Variants in NOXRED1 observed in about 807,000 individuals in gnomAD.
The protein encoded by NOXRED1 is NADP-dependent oxidoreductase domain-containing protein 1.
Under a neutral mutation model 30.4 loss-of-function variants are expected in NOXRED1, and 20 were observed. The ratio of observed to expected loss-of-function variants is 0.66; its 90% CI spans 0.46 to 0.96. The LOEUF is 0.96. Ranked by LOEUF, NOXRED1 falls within the 40% of genes least tolerant of loss-of-function variation. NOXRED1 has a pLI of 0.00. For missense variants in NOXRED1, 374 were observed against 428.0 expected (o/e 0.87, Z 1.11); for synonymous variants, 155 against 168.0 (o/e 0.92, Z 0.60).
chr14:77,420,817 G>T (rs1389012254), intron 1 of NOXRED1, among the ~76,000 whole-genome samples: 1 of 152,182 alleles, frequency 6.6e-6, no homozygotes, highest in African/African-American at 2.4e-5. Flanking sequence ...CCCAGCTAGA[G>T]ATTCTGGGGC....
At chr14:77,420,168 T>A (rs546856400) in intron 1 of NOXRED1, among the ~76,000 whole-genome samples, 3 of 152,150 alleles carry the variant, frequency 2.0e-5, no homozygotes, top group Non-Finnish European at 2.9e-5. Context: ...TTTCTTTTCT[T>A]TTTGCTCTTC....
rs1177680524 is a variant in NOXRED1, at chr14:77,408,892, A to ATTTTTTTTTTTTTT, written c.350-1261_350-1248dup. 7.7e-3 allele frequency among the ~76,000 whole-genome samples: 524 copies of ATTTTTTTTTTTTTT among 68,166 alleles called. 110 individuals are homozygous for ATTTTTTTTTTTTTT. Among genetic ancestry groups the ATTTTTTTTTTTTTT allele is most frequent in the Middle Eastern group, 0.067 (2 of 30 alleles). 44.7% of individuals were successfully genotyped at this position (68,166 alleles called of 152,430 possible). A position where few individuals can be genotyped will look rare whatever the true frequency, so the allele number is the denominator to read the frequency against. ...GCATAAAAACACTCACTGGTAGTTA[A>ATTTTTTTTTTTTTT]TTTTTTTTTTTTTTTTTTTTGGCTA... is the stretch of plus-strand genomic sequence containing the variant. On this transcript the variant is annotated intron_variant, in intron 2 of 5. Transcript: ENST00000380835.
chr14:77,405,933 G>A lies in NOXRED1; in HGVS notation c.885C>T (p.Gly295=). Residue 295 remains glycine, a synonymous_variant, in exon 5 of 6, where the codon GGC becomes GGT. Coordinates refer to ENST00000380835, the MANE Select transcript of NOXRED1 (RefSeq NM_001113475.3). ...QLTDFVSKAY[G]KNLSQERPFP... ...CTTACCTTTCCTGAGACAAATTCTT[G>A]CCATAGGCTTTGCTGACAAAATCTG... 2.5e-6 allele frequency: 4 copies of A among 1,611,380 alleles called. No homozygotes were observed. Among genetic ancestry groups the A allele is most frequent in the South Asian group, 1.1e-5 (1 of 91,010 alleles).
intron 2 of NOXRED1, 102 bp downstream of exon 2, chr14:77,413,832 G>A (rs962114790): frequency 5.2e-5 from 37 of 710,682 alleles, no homozygotes; most frequent in Non-Finnish European, 6.8e-5. Context: ...AACTCCACAC[G>A]CTGTATGCAA....
intron 5 of NOXRED1, among the ~76,000 whole-genome samples, chr14:77,396,248 C>CTTTT (rs35292349): frequency 7.6e-6 from 1 of 131,124 alleles, no homozygotes; most frequent in Admixed American, 8.1e-5. Context: ...TCCAAGGAAT[C>CTTTT]TTTTTTTTTT....
rs558028960 is a variant in NOXRED1 at position 77,394,573 on chromosome 14, G to A, written c.*58C>T. ...CCCACAGTCAATTGTGATAATCAGG[G>A]CACAACTATTATAGGGAAAATCTGT... On this transcript the variant is annotated 3_prime_UTR_variant, in exon 6 of 6. Transcript: ENST00000380835. 11 of 1,307,832 alleles carry A rather than the reference G, an allele frequency of 8.4e-6. No individual in the cohort carries two copies. Among genetic ancestry groups the A allele is most frequent in the Non-Finnish European group, 1.2e-5 (11 of 915,046 alleles). 81.0% of individuals were successfully genotyped at this position (1,307,832 alleles called of 1,614,324 possible). A position where few individuals can be genotyped will look rare whatever the true frequency, so the allele number is the denominator to read the frequency against.
chr14:77,401,288 C>A (rs546471688), intron 5 of NOXRED1, among the ~76,000 whole-genome samples: 1 of 152,186 alleles, frequency 6.6e-6, no homozygotes, highest in African/African-American at 2.4e-5. Context: ...AAGAGAATTG[C>A]TTGAACCCAG....
rs142831779 is a variant in NOXRED1 at position 77,422,645 on chromosome 14, T to G, written c.155+90A>C. On this transcript the variant is annotated intron_variant, in intron 1 of 5. Coordinates refer to ENST00000380835, the MANE Select transcript of NOXRED1 (RefSeq NM_001113475.3). ...TAGGATGACAATCCACCAGCCAAAC[T>G]TACCCTCCAATATAAAAAAAATTTA... The G allele has an allele frequency of 2.2e-4, 281 of 1,294,900 alleles. No homozygotes were observed. The African/African-American group carries it at 3.6e-3, about 17-fold the overall frequency. The allele number at this position is 1,294,900 out of a possible 1,614,324, so 80.2% of individuals were successfully genotyped here. A position where few individuals can be genotyped will look rare whatever the true frequency, so the allele number is the denominator to read the frequency against.
At chr14:77,414,609 A>G (rs1282318725) in intron 1 of NOXRED1, among the ~76,000 whole-genome samples, 1 of 152,206 alleles carries the variant, frequency 6.6e-6, no homozygotes, top group Non-Finnish European at 1.5e-5. Context: ...AGGGAATGAA[A>G]TGTTCCTCCT....
At chr14:77,405,854 C>G (rs959207647) in intron 5 of NOXRED1, 59 bp downstream of exon 5, 3 of 996,092 alleles carry the variant, frequency 3.0e-6, no homozygotes, top group Non-Finnish European at 4.8e-6. Flanking sequence ...AGAAAAAAAG[C>G]ATTAACTAAG....
In NOXRED1 at chr14:77,407,468, G is replaced by A; in HGVS notation, c.527C>T (p.Pro176Leu). Residue 176 changes from proline to leucine, a missense_variant, in exon 3 of 6, where the codon CCC becomes CTC. Pro to Leu is a moderately conservative substitution (Grantham distance 98, BLOSUM62 -3). Transcript: ENST00000380835. ...VYSFVAAIPL[P>L]RLKLLLNHTN... ...CATTCTCACCCTAACAAGATACCTG[G>A]GTAGTGGGATGGCAGCTACAAAGCT... 2 of 1,612,008 alleles carry A rather than the reference G, an allele frequency of 1.2e-6. No homozygotes were observed. The highest frequency in any genetic ancestry group is 1.7e-6 in the Non-Finnish European group (2 of 1,178,156).
chr14:77,406,645 A>C (rs1894471925), intron 4 of NOXRED1, 79 bp downstream of exon 4: 2 of 1,215,906 alleles, frequency 1.6e-6, no homozygotes, highest in African/African-American at 3.0e-5. Context: ...AGAGAGAGAG[A>C]GATTGATTTA....
At chr14:77,414,162 C>T (rs771266307) in intron 1 of NOXRED1, 35 bp from the exon 2 acceptor site, 4 of 1,231,032 alleles carry the variant, frequency 3.2e-6, no homozygotes, top group African/African-American at 3.2e-5. Context: ...TACATAAATA[C>T]ATGCACACAC....
At chr14:77,407,154 C>T (rs17105757) in intron 3 of NOXRED1, among the ~76,000 whole-genome samples, 2,919 of 152,224 alleles carry the variant, frequency 0.019, 90 homozygotes, top group African/African-American at 0.066. Flanking sequence ...TGTTATTGAC[C>T]GATGGTTTCT....
intron 5 of NOXRED1, among the ~76,000 whole-genome samples, chr14:77,398,739 G>A (rs1194673648): frequency 1.3e-5 from 2 of 152,168 alleles, no homozygotes; most frequent in Admixed American, 6.5e-5. Context: ...GGGAGGCTGA[G>A]GCGGGCAGAT....
chr14:77,402,585 G>C (rs1894356811), intron 5 of NOXRED1, among the ~76,000 whole-genome samples: 1 of 151,988 alleles, frequency 6.6e-6, no homozygotes, highest in Non-Finnish European at 1.5e-5. Context: ...GGTGAGCCGA[G>C]ATCGTGCCAT....
chr14:77,413,804 T>C (rs777588997), intron 2 of NOXRED1, 130 bp downstream of exon 2: 2 of 555,620 alleles, frequency 3.6e-6, no homozygotes, highest in Non-Finnish European at 6.0e-6. Context: ...TAACCTTTCT[T>C]AGGGCTAGCA....
chr14:77,407,775 A>G, intron 2 of NOXRED1, 130 bp from the exon 3 acceptor site: 1 of 650,472 alleles, frequency 1.5e-6, no homozygotes, highest in Non-Finnish European at 2.7e-6. Flanking sequence ...ATAAATCAGA[A>G]GATATTCCTT....
In NOXRED1 at chr14:77,407,906, C is replaced by T. The variant is rs529205906; in HGVS notation, c.350-261G>A. Among the ~76,000 whole-genome samples, 99 of 143,716 alleles carry T rather than the reference C, an allele frequency of 6.9e-4. No homozygotes were observed. In the South Asian group the frequency reaches 0.014, roughly 21 times the overall value. 94.3% of individuals were successfully genotyped at this position (143,716 alleles called of 152,430 possible). A position where few individuals can be genotyped will look rare whatever the true frequency, so the allele number is the denominator to read the frequency against. ...TTTTTGAGACGGAGTCTCACTCTGA[C>T]GCCCAGGCTGCAGTACACTAGCGTA... is the stretch of plus-strand genomic sequence containing the variant. On this transcript the variant is annotated intron_variant, in intron 2 of 5. Coordinates refer to ENST00000380835, the MANE Select transcript of NOXRED1 (RefSeq NM_001113475.3).
Sources: allele counts gnomAD v4.1 joint callset (sites outside exome capture counted in the v4.1 genomes callset), GRCh38; gene constraint gnomAD v4.1.1; transcripts MANE v1.5; gene names NCBI Gene and HGNC (gene_info 2026-07-23, HGNC 2026-07-21).